OR4K17: variants seen among roughly 807,000 people sequenced by gnomAD.
The protein encoded by OR4K17 is olfactory receptor family 4 subfamily K member 17, also known as olfactory receptor 4K17.
For synonymous variants in OR4K17, 157 were observed against 132.8 expected (o/e 1.18, Z -1.25); for missense variants, 480 against 366.3 (o/e 1.31, Z -2.53).
chr14:20,119,947 A>T lies in OR4K17; in HGVS notation c.*1509A>T, dbSNP rs1272238003. On this transcript the variant is annotated 3_prime_UTR_variant, in exon 2 of 2. Coordinates refer to ENST00000641386, the MANE Select transcript of OR4K17 (RefSeq NM_001004715.5). The stretch of plus-strand genomic sequence containing the variant: ...ACTGAGATGAAGGCAAGTAAAATGC[A>T]GTAAGATTACAGTAGTCAGTCAAGA... The T allele has an allele frequency of 6.6e-6, 1 of 152,218 alleles. No homozygotes were observed. Among genetic ancestry groups the T allele is most frequent in the Non-Finnish European group, 1.5e-5 (1 of 68,036 alleles). 9.4% of individuals were successfully genotyped at this position (152,218 alleles called of 1,614,324 possible). A position where few individuals can be genotyped will look rare whatever the true frequency, so the allele number is the denominator to read the frequency against.
rs967089951 is a variant in OR4K17, at chr14:20,118,645, G to A, written c.*207G>A. ...TGGGTGTCCAGGGGAGACATCACAT[G>A]TCAGCGGGTTCCGTGATGCCCCCCA... On this transcript the variant is annotated 3_prime_UTR_variant, in exon 2 of 2. Transcript: ENST00000641386. The A allele has an allele frequency of 4.0e-5, 16 of 404,046 alleles. No homozygotes were observed. Among genetic ancestry groups the A allele is most frequent in the African/African-American group, 3.3e-4 (16 of 48,650 alleles). The allele number at this position is 404,046 out of a possible 1,614,324, so 25.0% of individuals were successfully genotyped here. A position where few individuals can be genotyped will look rare whatever the true frequency, so the allele number is the denominator to read the frequency against.
intron 1 of OR4K17, among the ~76,000 whole-genome samples, chr14:20,113,557 C>A (rs1481305883): frequency 1.3e-5 from 2 of 151,988 alleles, no homozygotes; most frequent in African/African-American, 4.8e-5. Context: ...AATTTAAATA[C>A]TCAATTTGTC....
Position 20,118,128 on chromosome 14 carries a change from G to T in OR4K17, c.629G>T (p.Cys210Phe). 6.2e-7 allele frequency: 1 copy of T among 1,614,042 alleles called. No individual in the cohort carries two copies. The change falls in exon 2 of 2, where the codon TGT (cysteine) becomes TTT (phenylalanine). Residue 210 changes from cysteine to phenylalanine, a missense_variant. By Grantham distance (205) the Cys-to-Phe change is radical (BLOSUM62 -2). Transcript: ENST00000641386. ...VANSGIISLS[C>F]FIILLISYSL... ...AACAGTGGCATAATCTCCCTGAGCT[G>T]TTTCATTATTTTGCTTATCTCCTAC...
intron 1 of OR4K17, among the ~76,000 whole-genome samples, chr14:20,111,311 T>C (rs1226486459): frequency 6.6e-6 from 1 of 151,940 alleles, no homozygotes; most frequent in African/African-American, 2.4e-5. Context: ...ACTATGAGGG[T>C]ACAGAGGAGA....
In OR4K17 at chr14:20,118,269, T is replaced by G. The variant is rs748531683; in HGVS notation, c.770T>G (p.Ile257Ser). Residue 257 changes from isoleucine to serine, a missense_variant, in exon 2 of 2, where the codon ATC (isoleucine) becomes AGC (serine). Physicochemically the swap from Ile to Ser is moderately radical, Grantham distance 142. Transcript: ENST00000641386. ...VILFFGPCIFIYIWPFGNHSV... is the reference protein window; with the variant it reads ...VILFFGPCIFSYIWPFGNHSV... ...CTCTTCTTTGGCCCATGCATCTTTA[T>G]CTACATTTGGCCCTTCGGCAACCAC... The G allele has an allele frequency of 3.7e-6, 6 of 1,614,098 alleles. No homozygotes were observed. The Admixed American group carries it at 1.0e-4, about 27-fold the overall frequency.
intron 1 of OR4K17, among the ~76,000 whole-genome samples, chr14:20,114,003 A>G (rs1034819976): frequency 1.3e-5 from 2 of 152,042 alleles, no homozygotes; most frequent in African/African-American, 2.4e-5. Flanking sequence ...AAATCCTACA[A>G]TTGAAAATGT....
rs1214615825 is a variant in OR4K17, at chr14:20,121,568, C to A, written c.*3130C>A. 2 of 151,516 alleles carry A rather than the reference C, an allele frequency of 1.3e-5. No individual in the cohort carries two copies. The highest frequency in any genetic ancestry group is 2.9e-5 in the Non-Finnish European group (2 of 67,850). The allele number at this position is 151,516 out of a possible 1,614,324, so 9.4% of individuals were successfully genotyped here. On this transcript the variant is annotated 3_prime_UTR_variant, in exon 2 of 2. Transcript: ENST00000641386. Reference sequence around the variant, plus strand: ...TTCACTTAAAATAGTCTATGATAACCATAAGATGTGTTATGTAAGCCTTAT... The same window carrying A: ...TTCACTTAAAATAGTCTATGATAACAATAAGATGTGTTATGTAAGCCTTAT...
In OR4K17 at chr14:20,117,822, G is replaced by A. The variant is rs200936790; in HGVS notation, c.323G>A (p.Gly108Asp). Residue 108 changes from glycine to aspartate, a missense_variant, in exon 2 of 2, where the codon GGT becomes GAT. By Grantham distance (94) the Gly-to-Asp change is moderately conservative. Coordinates refer to ENST00000641386, the MANE Select transcript of OR4K17 (RefSeq NM_001004715.5). Reference sequence around the variant, plus strand: ...CAGATATTTCTCCTTCACTTACTGGGTGGGGTTGAAATGGTACTGTTGGTC... The same window carrying A: ...CAGATATTTCTCCTTCACTTACTGGATGGGGTTGAAATGGTACTGTTGGTC... ...FTQIFLLHLL[G>D]GVEMVLLVSM... The A allele has an allele frequency of 1.2e-6, 2 of 1,614,050 alleles. No individual in the cohort carries two copies. Among genetic ancestry groups the A allele is most frequent in the South Asian group, 1.1e-5 (1 of 91,082 alleles).
rs756988606 is a variant in OR4K17 at position 20,118,048 on chromosome 14, G to C, written c.549G>C (p.Leu183Phe). Residue 183 changes from leucine (L) to phenylalanine (F), a missense_variant, in exon 2 of 2, where the codon TTG (leucine) becomes TTC (phenylalanine). Coordinates refer to ENST00000641386, the MANE Select transcript of OR4K17 (RefSeq NM_001004715.5). ...VVDSIFCDLP[L>F]VTKLACIDIY... ...ACAGCATTTTTTGTGACCTCCCTTT[G>C]GTTACTAAGCTTGCCTGTATAGACA... is the stretch of plus-strand genomic sequence containing the variant. 1.2e-6 allele frequency: 2 copies of C among 1,613,914 alleles called. No homozygotes were observed. Among genetic ancestry groups the C allele is most frequent in the African/African-American group, 2.7e-5 (2 of 74,854 alleles).
chr14:20,114,025 G>A (rs761608097), intron 1 of OR4K17, among the ~76,000 whole-genome samples: 2 of 151,954 alleles, frequency 1.3e-5, no homozygotes, highest in Non-Finnish European at 1.5e-5. Flanking sequence ...CAGAGTTGAT[G>A]CAGCTTGGTT....
In OR4K17 at chr14:20,120,122, G is replaced by A. The variant is rs1239026548; in HGVS notation, c.*1684G>A. On this transcript the variant is annotated 3_prime_UTR_variant, in exon 2 of 2. Transcript: ENST00000641386. ...TGTTACAATGGCTTTTGATGTAAAT[G>A]AAATAAAGTGAATCCTCAAAATGTC... 1 of 152,180 alleles carries A rather than the reference G, an allele frequency of 6.6e-6. No homozygotes were observed. The highest frequency in any genetic ancestry group is 6.5e-5 in the Admixed American group (1 of 15,270). 9.4% of individuals were successfully genotyped at this position (152,180 alleles called of 1,614,324 possible). A position where few individuals can be genotyped will look rare whatever the true frequency, so the allele number is the denominator to read the frequency against.
chr14:20,118,730 G>C lies in OR4K17; in HGVS notation c.*292G>C. The C allele has an allele frequency of 4.1e-6, 1 of 244,876 alleles. No homozygotes were observed. Among genetic ancestry groups the C allele is most frequent in the Non-Finnish European group, 7.9e-6 (1 of 126,034 alleles). 15.2% of individuals were successfully genotyped at this position (244,876 alleles called of 1,614,324 possible). A position where few individuals can be genotyped will look rare whatever the true frequency, so the allele number is the denominator to read the frequency against. ...CAAAAGGGAGGCAGTGTACGAATAG[G>C]GTGTGGGTCACAGAGATCACATGCA... is the stretch of plus-strand genomic sequence containing the variant. On this transcript the variant is annotated 3_prime_UTR_variant, in exon 2 of 2. Coordinates refer to ENST00000641386, the MANE Select transcript of OR4K17 (RefSeq NM_001004715.5).
intron 1 of OR4K17, among the ~76,000 whole-genome samples, chr14:20,111,592 T>C (rs2139052109): frequency 6.6e-6 from 1 of 152,168 alleles, no homozygotes; most frequent in Non-Finnish European, 1.5e-5. Flanking sequence ...TTATCCCCAG[T>C]CATCAGCTCT....
At chr14:20,113,867 T>C (rs1877932068) in intron 1 of OR4K17, among the ~76,000 whole-genome samples, 1 of 151,588 alleles carries the variant, frequency 6.6e-6, no homozygotes, top group Non-Finnish European at 1.5e-5. Flanking sequence ...ATACATAATT[T>C]TTTATATCAG....
At position 20,118,825 on chromosome 14, in the gene OR4K17, C is replaced by T. The variant is rs575534199; in HGVS notation, c.*387C>T. 6.1e-6 allele frequency: 1 copy of T among 163,458 alleles called. No individual in the cohort carries two copies. The highest frequency in any genetic ancestry group is 1.3e-5 in the Non-Finnish European group (1 of 75,270). 10.1% of individuals were successfully genotyped at this position (163,458 alleles called of 1,614,324 possible). On this transcript the variant is annotated 3_prime_UTR_variant, in exon 2 of 2. Transcript: ENST00000641386. ...GATCACAGGACCAGGGTGAAATTAACATTGCTAATGAAGTTTTATGCCCCA... is the reference window on the plus strand; with the variant it reads ...GATCACAGGACCAGGGTGAAATTAATATTGCTAATGAAGTTTTATGCCCCA...
At position 20,118,388 on chromosome 14, in the gene OR4K17, T is replaced by C. The variant is rs1301345324; in HGVS notation, c.889T>C (p.Ser297Pro). 1 of 1,606,722 alleles carries C rather than the reference T, an allele frequency of 6.2e-7. No homozygotes were observed. The highest frequency in any genetic ancestry group is 8.5e-7 in the Non-Finnish European group (1 of 1,176,456). ...YTLRNKEMKI[S>P]MKKLWRAFVN... is the part of the protein sequence containing the mutation. The stretch of plus-strand genomic sequence containing the variant: ...TCTGAGAAACAAAGAAATGAAGATA[T>C]CCATGAAAAAACTCTGGAGAGCTTT... The change falls in exon 2 of 2, where the codon TCC (serine) becomes CCC (proline). Residue 297 changes from serine (S) to proline (P), a missense_variant. Coordinates refer to ENST00000641386, the MANE Select transcript of OR4K17 (RefSeq NM_001004715.5).
In OR4K17 at chr14:20,117,671, C is replaced by T; in HGVS notation, c.172C>T (p.Pro58Ser). Residue 58 changes from proline to serine, a missense_variant, in exon 2 of 2, where the codon CCC (proline) becomes TCC (serine). By Grantham distance (74) the Pro-to-Ser change is moderately conservative. Transcript: ENST00000641386. The part of the protein sequence containing the change: ...TVFNTPNLNT[P>S]MYFLLGNLSF... ...GTTTAACACCCCTAACCTGAATACT[C>T]CCATGTATTTTCTCCTTGGTAATCT... 6.2e-7 allele frequency: 1 copy of T among 1,613,934 alleles called. No homozygotes were observed. The highest frequency in any genetic ancestry group is 8.5e-7 in the Non-Finnish European group (1 of 1,179,904).
intron 1 of OR4K17, 83 bp from the exon 2 acceptor site, chr14:20,117,385 A>G (rs1398107030): frequency 6.6e-7 from 1 of 1,510,492 alleles, no homozygotes; most frequent in East Asian, 2.2e-5. Context: ...ATCCAAAGGA[A>G]TGCATAAGTT....
Position 20,118,072 on chromosome 14 carries a change from C to T in OR4K17, c.573C>T (p.Asp191=). 7 of 1,614,044 alleles carry T rather than the reference C, an allele frequency of 4.3e-6. No homozygotes were observed. Among genetic ancestry groups the T allele is most frequent in the Non-Finnish European group, 5.9e-6 (7 of 1,179,974 alleles). ...LPLVTKLACI[D]IYFVQVVIVA... ...TGGTTACTAAGCTTGCCTGTATAGA[C>T]ATATATTTTGTACAGGTAGTCATTG... Residue 191 remains aspartate, a synonymous_variant, in exon 2 of 2, where the codon GAC becomes GAT. Coordinates refer to ENST00000641386, the MANE Select transcript of OR4K17 (RefSeq NM_001004715.5).
Sources: allele counts gnomAD v4.1 joint callset (sites outside exome capture counted in the v4.1 genomes callset), GRCh38; gene constraint gnomAD v4.1.1; transcripts MANE v1.5; gene names NCBI Gene and HGNC (gene_info 2026-07-23, HGNC 2026-07-21).